Variants in PDE4D observed in about 807,000 individuals in gnomAD.
PDE4D encodes the protein phosphodiesterase 4D, also known as 3',5'-cyclic-AMP phosphodiesterase 4D.
A neutral mutation model predicts 87.4 loss-of-function variants in PDE4D; 24 were observed. The ratio of observed to expected loss-of-function variants is 0.27; its 90% confidence interval spans 0.20 to 0.39. The LOEUF (loss-of-function observed/expected upper bound fraction) is 0.39. Among genes scored for constraint, PDE4D ranks in the 10% least tolerant of loss-of-function variants. The probability of loss-of-function intolerance (pLI) is 1.00; values close to 1 mark genes in which losing one functional copy is unlikely to be tolerated. For synonymous variants in PDE4D, 384 were observed against 383.2 expected (o/e 1.00, Z -0.02); for missense variants, 714 against 1,041.0 (o/e 0.69, Z 4.32).
chr5:59,352,596 T>C (rs757720473), intron 1 of PDE4D, among the ~76,000 whole-genome samples: 5 of 152,198 alleles, frequency 3.3e-5, no homozygotes, highest in Non-Finnish European at 5.9e-5. Flanking sequence ...CACTCTCCTA[T>C]GATCCCTGTT....
intron 1 of PDE4D, among the ~76,000 whole-genome samples, chr5:59,432,207 G>A (rs938999687): frequency 1.3e-5 from 2 of 151,938 alleles, no homozygotes; most frequent in South Asian, 4.1e-4. Flanking sequence ...CCTCACACAT[G>A]TATAGGGATT....
intron 2 of PDE4D, among the ~76,000 whole-genome samples, chr5:60,011,326 T>C (rs1384865968): frequency 6.6e-6 from 1 of 152,160 alleles, no homozygotes; most frequent in African/African-American, 2.4e-5. Context: ...CTATGTGGCA[T>C]GAGAGGAAAA....
intron 1 of PDE4D, among the ~76,000 whole-genome samples, chr5:59,571,216 C>A (rs892934659): frequency 6.6e-6 from 1 of 152,170 alleles, no homozygotes; most frequent in African/African-American, 2.4e-5. Context: ...CATTAGTAAC[C>A]TCAAGTTAAG....
intron 2 of PDE4D, among the ~76,000 whole-genome samples, chr5:60,142,207 C>T (rs569836436): frequency 1.0e-4 from 12 of 118,308 alleles, no homozygotes; most frequent in South Asian, 9.2e-4. Flanking sequence ...GAAGGAAGGA[C>T]GGATGGGAGG....
chr5:60,187,109 G>C (rs1214751474), intron 1 of PDE4D, among the ~76,000 whole-genome samples: 1 of 152,156 alleles, frequency 6.6e-6, no homozygotes, highest in Non-Finnish European at 1.5e-5. Flanking sequence ...CTTCTTCCAA[G>C]GTTGATAGAA....
At position 60,397,109 on chromosome 5, in the gene PDE4D, GT is replaced by G. The variant is rs1232313863; in HGVS notation, c.-90+90832del. Among the ~76,000 whole-genome samples the G allele has an allele frequency of 2.4e-4, 36 of 152,226 alleles. No homozygotes were observed. The East Asian group carries it at 6.6e-3, about 28-fold the overall frequency. The stretch of plus-strand genomic sequence containing the variant: ...TGCAATGAGCTATCACCTCATATCT[GT>G]TAAAACAGCTATCATCAAAAGACAA... On this transcript the variant is annotated intron_variant, in intron 1 of 16. Coordinates refer to the PDE4D transcript ENST00000502484.
chr5:59,022,758 A>T (rs1034577720), intron 6 of PDE4D, among the ~76,000 whole-genome samples: 3 of 152,230 alleles, frequency 2.0e-5, no homozygotes, highest in Admixed American at 6.5e-5. Flanking sequence ...AGAACAAAAA[A>T]GGCAAAACGA....
intron 1 of PDE4D, among the ~76,000 whole-genome samples, chr5:60,208,728 A>G (rs951569489): frequency 6.6e-6 from 1 of 152,212 alleles, no homozygotes; most frequent in African/African-American, 2.4e-5. Flanking sequence ...GTAAAAATAT[A>G]GTCACTGTGG....
At chr5:60,312,765 A>G (rs1223459452) in intron 1 of PDE4D, among the ~76,000 whole-genome samples, 3 of 152,208 alleles carry the variant, frequency 2.0e-5, no homozygotes, top group Admixed American at 2.0e-4. Flanking sequence ...ATCAGTACTA[A>G]GGAAATCACC....
At chr5:59,272,930 G>C (rs1764095612) in intron 1 of PDE4D, among the ~76,000 whole-genome samples, 1 of 152,200 alleles carries the variant, frequency 6.6e-6, no homozygotes, top group East Asian at 1.9e-4. Flanking sequence ...TTGGATTCTT[G>C]CACAATACAA....
chr5:60,290,782 G>A (rs1456227889), intron 1 of PDE4D, among the ~76,000 whole-genome samples: 1 of 152,166 alleles, frequency 6.6e-6, no homozygotes. Context: ...CTGCAGCCTA[G>A]GCAATCAGAG....
At chr5:59,735,250 G>A (rs201683691) in intron 1 of PDE4D, among the ~76,000 whole-genome samples, 3 of 152,328 alleles carry the variant, frequency 2.0e-5, no homozygotes, top group African/African-American at 7.2e-5. Flanking sequence ...CATATAAACA[G>A]ATTGGGAGTT....
chr5:59,540,357 C>G (rs37570), intron 1 of PDE4D, among the ~76,000 whole-genome samples: 3 of 151,976 alleles, frequency 2.0e-5, no homozygotes, highest in South Asian at 4.1e-4. Context: ...TTTAAAAAAA[C>G]GAAAACAAAA....
At chr5:59,063,534 G>T (rs1407792785) in intron 5 of PDE4D, 1 of 151,998 alleles carries the variant, frequency 6.6e-6, no homozygotes, top group African/African-American at 2.4e-5. Flanking sequence ...TTTCCTTCAG[G>T]CTACTAAACT....
At chr5:59,489,589 C>G (rs139035741) in intron 1 of PDE4D, among the ~76,000 whole-genome samples, 84 of 152,282 alleles carry the variant, frequency 5.5e-4, no homozygotes, top group African/African-American at 1.9e-3. Flanking sequence ...AAAGCAGATA[C>G]ATGGTGTTTC....
chr5:59,109,961 C>T (rs1041019253), intron 5 of PDE4D, among the ~76,000 whole-genome samples: 11 of 152,096 alleles, frequency 7.2e-5, no homozygotes, highest in Admixed American at 2.6e-4. Flanking sequence ...AGAGAGGGAG[C>T]GCCTGTATGA....
intron 2 of PDE4D, among the ~76,000 whole-genome samples, chr5:60,105,905 G>A (rs563851126): frequency 9.9e-5 from 15 of 152,234 alleles, no homozygotes; most frequent in Non-Finnish European, 1.8e-4. Context: ...GCAAAAACAT[G>A]CCAAATTGTA....
At chr5:59,977,052 T>C (rs145290711) in intron 3 of PDE4D, among the ~76,000 whole-genome samples, 1 of 152,284 alleles carries the variant, frequency 6.6e-6, no homozygotes, top group African/African-American at 2.4e-5. Context: ...ATTAGGCCAA[T>C]TAATAACCTT....
intron 1 of PDE4D, among the ~76,000 whole-genome samples, chr5:59,263,875 C>G (rs979003688): frequency 4.6e-5 from 7 of 151,866 alleles, no homozygotes; most frequent in African/African-American, 1.7e-4. Flanking sequence ...GCTGCTGGTA[C>G]TATTTTTAAT....
Sources: allele counts gnomAD v4.1 joint callset (sites outside exome capture counted in the v4.1 genomes callset), GRCh38; gene constraint gnomAD v4.1.1; transcripts MANE v1.5; gene names NCBI Gene and HGNC (gene_info 2026-07-23, HGNC 2026-07-21).